ZMAT4: variants seen among roughly 807,000 people sequenced by gnomAD.
ZMAT4 encodes the protein zinc finger matrin-type protein 4.
ZMAT4 carries 17 observed loss-of-function variants against 28.7 expected under a neutral mutation model. The ratio of observed to expected loss-of-function variants is 0.59; its 90% CI spans 0.41 to 0.89. ZMAT4 has a LOEUF of 0.89. Ranked by LOEUF, ZMAT4 falls within the 40% of genes least tolerant of loss-of-function variation. The pLI is 0.00. For synonymous variants in ZMAT4, 117 were observed against 109.2 expected (o/e 1.07, Z -0.44); for missense variants, 240 against 283.8 (o/e 0.85, Z 1.11).
chr8:40,687,005 GTT>G (rs1563411663), intron 4 of ZMAT4, among the ~76,000 whole-genome samples: 1 of 152,184 alleles, frequency 6.6e-6, no homozygotes, highest in African/African-American at 2.4e-5. Flanking sequence ...AGTCAGAAAA[GTT>G]AGTGCAATGG....
chr8:40,814,629 T>C (rs1334830878), intron 2 of ZMAT4, among the ~76,000 whole-genome samples: 1 of 152,060 alleles, frequency 6.6e-6, no homozygotes, highest in Non-Finnish European at 1.5e-5. Flanking sequence ...TTAAGACAAA[T>C]GAAACTAAGA....
chr8:40,835,268 G>T (rs1282674539), intron 1 of ZMAT4, among the ~76,000 whole-genome samples: 1 of 152,176 alleles, frequency 6.6e-6, no homozygotes, highest in Non-Finnish European at 1.5e-5. Context: ...AAGAGAAGCA[G>T]GGAGAGGAGG....
intron 1 of ZMAT4, among the ~76,000 whole-genome samples, chr8:40,829,248 C>T (rs540568081): frequency 4.5e-4 from 68 of 152,356 alleles, no homozygotes; most frequent in Non-Finnish European, 7.9e-4. Flanking sequence ...CTCCCAGGCC[C>T]AGCACATTGC....
chr8:40,581,911 A>G (rs1445484886), intron 5 of ZMAT4, among the ~76,000 whole-genome samples: 2 of 152,210 alleles, frequency 1.3e-5, no homozygotes, highest in Non-Finnish European at 2.9e-5. Context: ...CTTTGCTTTC[A>G]GAAGTTTAGT....
At chr8:40,860,288 T>C (rs1817444203) in intron 1 of ZMAT4, among the ~76,000 whole-genome samples, 1 of 151,870 alleles carries the variant, frequency 6.6e-6, no homozygotes, top group Non-Finnish European at 1.5e-5. Context: ...GCTGGGACCA[T>C]GAGATGAGCA....
intron 5 of ZMAT4, among the ~76,000 whole-genome samples, chr8:40,651,073 A>C (rs1374552074): frequency 1.3e-5 from 2 of 151,864 alleles, no homozygotes; most frequent in Non-Finnish European, 1.5e-5. Context: ...GAAGTTCTGG[A>C]CAGGGCAATT....
intron 5 of ZMAT4, among the ~76,000 whole-genome samples, chr8:40,600,404 C>T (rs1259765887): frequency 1.3e-5 from 2 of 152,186 alleles, no homozygotes; most frequent in East Asian, 1.9e-4. Context: ...AATGGGCAAA[C>T]TAAAGCATTC....
At chr8:40,786,783 C>T in intron 2 of ZMAT4, 1 of 1,272,648 alleles carries the variant, frequency 7.9e-7, no homozygotes, top group South Asian at 1.2e-5. Flanking sequence ...ATTCTGGACC[C>T]TAGGATAGAT....
chr8:40,682,645 A>G (rs183483571), intron 4 of ZMAT4, among the ~76,000 whole-genome samples: 65 of 152,306 alleles, frequency 4.3e-4, no homozygotes, highest in Non-Finnish European at 7.8e-4. Flanking sequence ...ATTTCCTGAG[A>G]ATGAACAAAG....
At chr8:40,883,954 C>G (rs897801790) in intron 1 of ZMAT4, among the ~76,000 whole-genome samples, 1 of 152,138 alleles carries the variant, frequency 6.6e-6, no homozygotes, top group Non-Finnish European at 1.5e-5. Flanking sequence ...CACAGAGCCC[C>G]TTTCGCAGTG....
intron 1 of ZMAT4, among the ~76,000 whole-genome samples, chr8:40,890,379 C>A (rs1246232018): frequency 2.0e-5 from 3 of 152,136 alleles, no homozygotes. Flanking sequence ...TATGACCTTT[C>A]TTTGTCACCT....
At chr8:40,631,726 G>C (rs1392958314) in intron 5 of ZMAT4, among the ~76,000 whole-genome samples, 1 of 152,190 alleles carries the variant, frequency 6.6e-6, no homozygotes, top group African/African-American at 2.4e-5. Flanking sequence ...ACAGGAAATT[G>C]AGAAAGAGAA....
intron 6 of ZMAT4, among the ~76,000 whole-genome samples, chr8:40,540,202 A>G (rs917285039): frequency 2.0e-4 from 30 of 152,102 alleles, no homozygotes; most frequent in Non-Finnish European, 3.7e-4. Context: ...GGAAGTTGGC[A>G]CCCTTTGCAG....
At chr8:40,853,372 T>A (rs1011439839) in intron 1 of ZMAT4, among the ~76,000 whole-genome samples, 3 of 151,994 alleles carry the variant, frequency 2.0e-5, no homozygotes, top group African/African-American at 7.2e-5. Context: ...CTGGCCAACA[T>A]GTGAAACCCC....
chr8:40,548,348 C>T (rs1391334568), intron 6 of ZMAT4, among the ~76,000 whole-genome samples: 2 of 152,064 alleles, frequency 1.3e-5, no homozygotes, highest in Admixed American at 1.3e-4. Context: ...ATATAGCTAT[C>T]TCCTGGCATA....
intron 3 of ZMAT4, among the ~76,000 whole-genome samples, chr8:40,720,887 G>C (rs1811056892): frequency 6.6e-6 from 1 of 152,112 alleles, no homozygotes; most frequent in South Asian, 2.1e-4. Flanking sequence ...TGGGAGGGAG[G>C]GAAGGGGGGG....
At chr8:40,757,457 G>A (rs527677375) in intron 3 of ZMAT4, among the ~76,000 whole-genome samples, 1 of 152,024 alleles carries the variant, frequency 6.6e-6, no homozygotes, top group Admixed American at 6.5e-5. Flanking sequence ...ATGATGGCAC[G>A]TGCCTGTAGT....
At chr8:40,875,208 AC>A (rs1817997554) in intron 1 of ZMAT4, among the ~76,000 whole-genome samples, 1 of 152,010 alleles carries the variant, frequency 6.6e-6, no homozygotes, top group Non-Finnish European at 1.5e-5. Context: ...AACATAATTG[AC>A]CCCTTGAGTC....
At chr8:40,617,933 C>A (rs1421697411) in intron 5 of ZMAT4, among the ~76,000 whole-genome samples, 1 of 152,158 alleles carries the variant, frequency 6.6e-6, no homozygotes, top group African/African-American at 2.4e-5. Context: ...TTGTTACAGA[C>A]AATTGGTGTG....
Sources: allele counts gnomAD v4.1 joint callset (sites outside exome capture counted in the v4.1 genomes callset), GRCh38; gene constraint gnomAD v4.1.1; transcripts MANE v1.5; gene names NCBI Gene and HGNC (gene_info 2026-07-23, HGNC 2026-07-21).